NXPE2: variants seen among roughly 807,000 people sequenced by gnomAD.
NXPE2 encodes NXPE family member 2.
Under a neutral mutation model 34.4 loss-of-function variants are expected in NXPE2, and 34 were observed. That is an observed-to-expected ratio of 0.99 (90% CI 0.75 to 1.31). NXPE2 has a LOEUF of 1.31. Ranked by LOEUF, NXPE2 falls within the 40% of genes most tolerant of loss-of-function variation. The probability of loss-of-function intolerance (pLI) is 0.00; values close to 1 mark genes in which losing one functional copy is unlikely to be tolerated. For missense variants in NXPE2, 649 were observed against 672.5 expected (o/e 0.97, Z 0.39); for synonymous variants, 235 against 231.3 (o/e 1.02, Z -0.15).
At chr11:114,748,783 A>G in the NXPE2 span, among the ~76,000 whole-genome samples, 1 of 151,914 alleles carries the variant, frequency 6.6e-6, no homozygotes, top group Admixed American at 6.5e-5. Flanking sequence ...TTCCATTTGT[A>G]TTTAATTAAA....
chr11:114,705,805 G>T lies in NXPE2; in HGVS notation c.953G>T (p.Cys318Phe). Reference sequence around the variant, plus strand: ...GAGAGCGAGAACATAAAAAAGAACTGCCAGATTGGAATGAAGACTCCTTTC... The same window carrying T: ...GAGAGCGAGAACATAAAAAAGAACTTCCAGATTGGAATGAAGACTCCTTTC... ...CNKSENIKKN[C>F]QIGMKTPFPS... The change falls in exon 5 of 6, where the codon TGC becomes TTC. Residue 318 changes from cysteine to phenylalanine, a missense_variant. Coordinates refer to ENST00000389586, the MANE Select transcript of NXPE2 (RefSeq NM_182495.6). 6.7e-7 allele frequency: 1 copy of T among 1,497,150 alleles called. No individual in the cohort carries two copies. The highest frequency in any genetic ancestry group is 2.7e-5 in the East Asian group (1 of 37,106). The allele number at this position is 1,497,150 out of a possible 1,614,324, so 92.7% of individuals were successfully genotyped here. A position where few individuals can be genotyped will look rare whatever the true frequency, so the allele number is the denominator to read the frequency against.
chr11:114,510,137 A>T, the NXPE2 span, among the ~76,000 whole-genome samples: 1 of 152,246 alleles, frequency 6.6e-6, no homozygotes, highest in African/African-American at 2.4e-5. Flanking sequence ...TAAATCTAAA[A>T]TTCTAAACCC....
At chr11:114,685,894 A>G (rs1951037240) in intron 2 of NXPE2, among the ~76,000 whole-genome samples, 1 of 152,094 alleles carries the variant, frequency 6.6e-6, no homozygotes, top group Non-Finnish European at 1.5e-5. Context: ...AATAACAGAT[A>G]CATGTTTGCC....
the NXPE2 span, among the ~76,000 whole-genome samples, chr11:114,606,915 A>C: frequency 6.6e-6 from 1 of 151,830 alleles, no homozygotes; most frequent in South Asian, 2.1e-4. Context: ...CCGGTGGATA[A>C]TAAGTATTGT....
chr11:114,678,327 C>T, upstream of NXPE2: 2 of 389,554 alleles, frequency 5.1e-6, no homozygotes, highest in Non-Finnish European at 9.4e-6. Context: ...ATTAGATGTC[C>T]AGTCTCTAAA....
chr11:114,464,633 G>A, the NXPE2 span, among the ~76,000 whole-genome samples: 63,874 of 151,796 alleles, frequency 0.42, 13,804 homozygotes, highest in South Asian at 0.49. Flanking sequence ...AAAAATATGA[G>A]ATACATAGAT....
the NXPE2 span, among the ~76,000 whole-genome samples, chr11:114,717,174 G>C: frequency 2.0e-5 from 3 of 151,950 alleles, no homozygotes; most frequent in African/African-American, 7.3e-5. Flanking sequence ...ACTCTTCTTG[G>C]CTCCACCATG....
At chr11:114,608,583 GATA>G in the NXPE2 span, among the ~76,000 whole-genome samples, 1 of 151,392 alleles carries the variant, frequency 6.6e-6, no homozygotes, top group African/African-American at 2.4e-5. Flanking sequence ...ATACCCACTG[GATA>G]ATAATTGTTG....
the NXPE2 span, among the ~76,000 whole-genome samples, chr11:114,587,304 G>A: frequency 1.3e-5 from 2 of 152,122 alleles, no homozygotes; most frequent in Non-Finnish European, 2.9e-5. Flanking sequence ...CAATTAAAAT[G>A]GTACTTAAAT....
the NXPE2 span, among the ~76,000 whole-genome samples, chr11:114,514,080 A>C: frequency 6.6e-6 from 1 of 152,132 alleles, no homozygotes; most frequent in African/African-American, 2.4e-5. Context: ...ATGCATATAT[A>C]ACATATGTTT....
chr11:114,500,130 C>A, the NXPE2 span, among the ~76,000 whole-genome samples: 1 of 151,724 alleles, frequency 6.6e-6, no homozygotes, highest in Non-Finnish European at 1.5e-5. Context: ...TTTGGGGGTG[C>A]ATATTTAGTG....
chr11:114,811,349 A>AG, the NXPE2 span, among the ~76,000 whole-genome samples: 1 of 151,216 alleles, frequency 6.6e-6, no homozygotes, highest in African/African-American at 2.4e-5. Context: ...AATAAAATAA[A>AG]AAAAATGCAA....
At chr11:114,803,615 T>C in the NXPE2 span, among the ~76,000 whole-genome samples, 4 of 151,692 alleles carry the variant, frequency 2.6e-5, no homozygotes, top group South Asian at 8.4e-4. Context: ...TCTCACTCTG[T>C]TGCCAGGCTG....
At chr11:114,621,136 T>C in the NXPE2 span, among the ~76,000 whole-genome samples, 2 of 150,898 alleles carry the variant, frequency 1.3e-5, no homozygotes, top group African/African-American at 2.4e-5. Flanking sequence ...TAAGTATTGT[T>C]TCATGGGTAA....
At chr11:114,754,904 A>G in the NXPE2 span, among the ~76,000 whole-genome samples, 1 of 152,170 alleles carries the variant, frequency 6.6e-6, no homozygotes, top group Non-Finnish European at 1.5e-5. Context: ...AAATGTGTCT[A>G]TTTGTCAATG....
At chr11:114,802,966 G>A in the NXPE2 span, among the ~76,000 whole-genome samples, 1 of 152,142 alleles carries the variant, frequency 6.6e-6, no homozygotes, top group Non-Finnish European at 1.5e-5. Context: ...CAGGGGTGAT[G>A]TGTTTACAGA....
chr11:114,651,589 G>A, the NXPE2 span, among the ~76,000 whole-genome samples: 1 of 152,174 alleles, frequency 6.6e-6, no homozygotes, highest in Non-Finnish European at 1.5e-5. Flanking sequence ...ATTTGGCTCT[G>A]CCCACATCCT....
At chr11:114,775,335 C>T in the NXPE2 span, among the ~76,000 whole-genome samples, 1 of 152,152 alleles carries the variant, frequency 6.6e-6, no homozygotes, top group African/African-American at 2.4e-5. Flanking sequence ...GAGAATAAGG[C>T]CCTGAATAGC....
the NXPE2 span, among the ~76,000 whole-genome samples, chr11:114,758,671 C>A: frequency 1.3e-5 from 2 of 152,054 alleles, no homozygotes; most frequent in Non-Finnish European, 2.9e-5. Context: ...AATTCAGCAC[C>A]CTTCACTTGC....
Sources: allele counts gnomAD v4.1 joint callset (sites outside exome capture counted in the v4.1 genomes callset), GRCh38; gene constraint gnomAD v4.1.1; transcripts MANE v1.5; gene names NCBI Gene and HGNC (gene_info 2026-07-23, HGNC 2026-07-21).